STXBP4: variants seen among roughly 807,000 people sequenced by gnomAD.
The protein encoded by STXBP4 is syntaxin binding protein 4, also known as syntaxin-binding protein 4.
A neutral mutation model predicts 76.1 loss-of-function variants in STXBP4; 55 were observed. The observed-to-expected ratio is 0.72, with a 90% confidence interval of 0.58 to 0.91. The LOEUF is 0.91. Ranked by LOEUF, STXBP4 falls within the 40% of genes least tolerant of loss-of-function variation. STXBP4 has a pLI of 0.00. For synonymous variants in STXBP4, 201 were observed against 220.2 expected (o/e 0.91, Z 0.77); for missense variants, 618 against 636.9 (o/e 0.97, Z 0.32).
At chr17:54,988,307 A>G (rs2077656581) in intron 3 of STXBP4, among the ~76,000 whole-genome samples, 1 of 152,220 alleles carries the variant, frequency 6.6e-6, no homozygotes, top group Admixed American at 6.5e-5. Flanking sequence ...TCCTATACTG[A>G]AACAATAATA....
At chr17:55,134,028 C>T (rs1483601959) in intron 16 of STXBP4, among the ~76,000 whole-genome samples, 2 of 151,902 alleles carry the variant, frequency 1.3e-5, no homozygotes, top group Non-Finnish European at 2.9e-5. Flanking sequence ...ATAATTACAG[C>T]TCATTTTTAT....
intron 1 of STXBP4, among the ~76,000 whole-genome samples, chr17:54,969,048 T>C (rs544526058): frequency 6.6e-6 from 1 of 152,314 alleles, no homozygotes; most frequent in African/African-American, 2.4e-5. Flanking sequence ...GCTCCTGTGC[T>C]CACTGCCCTG....
chr17:54,999,765 T>C lies in STXBP4; in HGVS notation c.421T>C (p.Ser141Pro). The change falls in exon 6 of 18, where the codon TCT becomes CCT. Residue 141 changes from serine (S) to proline (P), a missense_variant. Ser to Pro is a moderately conservative substitution (Grantham distance 74). Transcript: ENST00000376352. ...GPQASTLSLFSSPPEILIPKT... is the reference protein window; with the variant it reads ...GPQASTLSLFPSPPEILIPKT... ...TCAAGCCTCAACATTAAGTCTTTTT[T>C]CTTCTCCTCCTGAAATACTAATCCC... 1 of 1,613,660 alleles carries C rather than the reference T, an allele frequency of 6.2e-7. No individual in the cohort carries two copies.
intron 16 of STXBP4, among the ~76,000 whole-genome samples, chr17:55,121,180 C>G (rs964711933): frequency 6.6e-6 from 1 of 152,092 alleles, no homozygotes; most frequent in Non-Finnish European, 1.5e-5. Flanking sequence ...GTTGTGAAAA[C>G]TATTGTAATG....
intron 12 of STXBP4, among the ~76,000 whole-genome samples, chr17:55,047,519 C>G (rs1365136559): frequency 6.6e-6 from 1 of 150,754 alleles, no homozygotes; most frequent in Non-Finnish European, 1.5e-5. Context: ...CTTCATTTTA[C>G]TAAAGAACAA....
chr17:55,042,809 T>A (rs2144740543), intron 10 of STXBP4, among the ~76,000 whole-genome samples: 1 of 152,266 alleles, frequency 6.6e-6, no homozygotes, highest in East Asian at 1.9e-4. Flanking sequence ...TCGATAAATA[T>A]ACTTTACTAG....
At chr17:55,050,266 ATAGT>A (rs1274836430) in intron 12 of STXBP4, among the ~76,000 whole-genome samples, 4 of 152,232 alleles carry the variant, frequency 2.6e-5, no homozygotes, top group African/African-American at 7.2e-5. Context: ...AGAAGTTTTA[ATAGT>A]TAAAGAGAAA....
chr17:55,146,564 A>G (rs1253856982), intron 17 of STXBP4, among the ~76,000 whole-genome samples: 4 of 152,012 alleles, frequency 2.6e-5, no homozygotes, highest in Non-Finnish European at 2.9e-5. Context: ...AATACAAAAA[A>G]ACATTAGCCA....
intron 8 of STXBP4, among the ~76,000 whole-genome samples, chr17:55,030,043 A>G (rs1460392556): frequency 1.3e-5 from 2 of 152,206 alleles, no homozygotes; most frequent in Non-Finnish European, 2.9e-5. Context: ...GCCATATCCA[A>G]TAATAGGACA....
At chr17:55,098,786 T>G (rs1040373602) in intron 16 of STXBP4, among the ~76,000 whole-genome samples, 1 of 152,226 alleles carries the variant, frequency 6.6e-6, no homozygotes, top group African/African-American at 2.4e-5. Flanking sequence ...CCTGTTTTAT[T>G]CTCTTCACAG....
chr17:55,121,381 T>C (rs1219586851), intron 16 of STXBP4, among the ~76,000 whole-genome samples: 1 of 152,130 alleles, frequency 6.6e-6, no homozygotes, highest in African/African-American at 2.4e-5. Context: ...AAAGGAAAAC[T>C]GTCATAATTG....
At chr17:55,040,180 A>G (rs1015926637) in intron 10 of STXBP4, among the ~76,000 whole-genome samples, 7 of 152,188 alleles carry the variant, frequency 4.6e-5, no homozygotes, top group Non-Finnish European at 8.8e-5. Context: ...AAAGCCTTCA[A>G]CAATGTTATA....
chr17:55,099,900 A>C (rs1162003359), intron 16 of STXBP4, among the ~76,000 whole-genome samples: 1 of 152,222 alleles, frequency 6.6e-6, no homozygotes, highest in Non-Finnish European at 1.5e-5. Flanking sequence ...GTCGAAGATT[A>C]TACCTTTTTT....
the STXBP4 span, among the ~76,000 whole-genome samples, chr17:55,202,162 C>T: frequency 6.6e-5 from 10 of 152,070 alleles, no homozygotes; most frequent in African/African-American, 2.4e-4. Flanking sequence ...GCCCCACACT[C>T]ATATCCTCTT....
chr17:55,080,395 ATG>A lies in STXBP4; in HGVS notation c.1356-654_1356-653del, dbSNP rs1355450464. Among the ~76,000 whole-genome samples the A allele has an allele frequency of 3.9e-5, 6 of 152,330 alleles. No individual in the cohort carries two copies. The East Asian group carries it at 1.2e-3, about 29-fold the overall frequency. On this transcript the variant is annotated intron_variant, in intron 15 of 17. Transcript: ENST00000376352. ...TTACCCTTTGTGAATTAATATCATT[ATG>A]CTTAGGAAGATGGAGTATAAATAAT...
intron 12 of STXBP4, among the ~76,000 whole-genome samples, chr17:55,068,986 A>G (rs902558712): frequency 2.0e-5 from 3 of 152,070 alleles, no homozygotes; most frequent in Middle Eastern, 3.2e-3. Context: ...CTTTGTCCCA[A>G]CAAAAGTCCA....
chr17:55,178,311 T>G (rs946734223), downstream of STXBP4, among the ~76,000 whole-genome samples: 1 of 152,228 alleles, frequency 6.6e-6, no homozygotes, highest in African/African-American at 2.4e-5. Context: ...ATTGTCCCCA[T>G]TTAACACATA....
intron 17 of STXBP4, 69 bp from the exon 18 acceptor site, chr17:55,159,728 A>T (rs2080319912): frequency 9.9e-7 from 1 of 1,012,216 alleles, no homozygotes; most frequent in Non-Finnish European, 1.5e-6. Context: ...TGTCACCAGG[A>T]TCAGTACTTG....
chr17:55,034,121 A>C, intron 9 of STXBP4, 47 bp from the exon 10 acceptor site: 1 of 1,390,996 alleles, frequency 7.2e-7, no homozygotes, highest in Non-Finnish European at 1.0e-6. Flanking sequence ...AGTAAGATTT[A>C]GAAGGGGTTA....
Sources: allele counts gnomAD v4.1 joint callset (sites outside exome capture counted in the v4.1 genomes callset), GRCh38; gene constraint gnomAD v4.1.1; transcripts MANE v1.5; gene names NCBI Gene and HGNC (gene_info 2026-07-23, HGNC 2026-07-21).